PCBP2: variants seen among roughly 807,000 people sequenced by gnomAD.
The protein encoded by PCBP2 is poly(rC) binding protein 2.
A neutral mutation model predicts 50.1 loss-of-function variants in PCBP2; 4 were observed. That is an observed-to-expected ratio of 0.08 (90% CI 0.04 to 0.18). PCBP2 has a LOEUF of 0.18. PCBP2 is among the 10% of genes least tolerant of loss of function. The pLI is 1.00. For synonymous variants in PCBP2, 179 were observed against 168.0 expected (o/e 1.07, Z -0.51); for missense variants, 161 against 474.3 (o/e 0.34, Z 6.14).
chr12:53,457,606 A>AC (rs1565858247), intron 5 of PCBP2, among the ~76,000 whole-genome samples: 2 of 152,050 alleles, frequency 1.3e-5, no homozygotes, highest in African/African-American at 4.8e-5. Flanking sequence ...TCAGCCTCCC[A>AC]AAGTGCTGGG....
At chr12:53,460,634 C>G (rs1941387318) in intron 6 of PCBP2, 1 of 232,064 alleles carries the variant, frequency 4.3e-6, no homozygotes, top group Non-Finnish European at 8.8e-6. Flanking sequence ...CTCATGGTAC[C>G]TGGCACATAG....
At chr12:53,459,125 G>A (rs991157241) in intron 5 of PCBP2, 147 bp from the exon 6 acceptor site, 2 of 498,406 alleles carry the variant, frequency 4.0e-6, no homozygotes, top group Non-Finnish European at 3.4e-6. Context: ...TTTGAGAGGG[G>A]CATGGTATTT....
rs910448833 is a variant in PCBP2, at chr12:53,455,569, A to G, written c.126+76A>G. On this transcript the variant is annotated intron_variant, in intron 4 of 14. Transcript: ENST00000546463. ...AAAACAAGTGAAAATTCTTTTTCAGAAATTAGGAAGGTCTCAATAAGGGAA... is the reference window on the plus strand; with the variant it reads ...AAAACAAGTGAAAATTCTTTTTCAGGAATTAGGAAGGTCTCAATAAGGGAA... 5 of 1,476,270 alleles carry G rather than the reference A, an allele frequency of 3.4e-6. No homozygotes were observed. The Admixed American group carries it at 8.4e-5, about 25-fold the overall frequency. 91.4% of individuals were successfully genotyped at this position (1,476,270 alleles called of 1,614,324 possible).
intron 7 of PCBP2, among the ~76,000 whole-genome samples, chr12:53,461,987 G>T (rs1401007795): frequency 6.6e-6 from 1 of 152,102 alleles, no homozygotes; most frequent in Non-Finnish European, 1.5e-5. Context: ...GGTATTACCA[G>T]CATGAGCCGA....
chr12:53,468,979 C>T (rs1046459709), intron 13 of PCBP2, 147 bp downstream of exon 13: 42 of 597,048 alleles, frequency 7.0e-5, no homozygotes, highest in East Asian at 3.3e-4. Flanking sequence ...CTTGGCTCAC[C>T]GCAGCCTCCG....
rs983591743 is a variant in PCBP2 at position 53,452,565 on chromosome 12, C to G, written c.-76+189C>G. On this transcript the variant is annotated intron_variant, in intron 1 of 14. Coordinates refer to ENST00000546463, the MANE Select transcript of PCBP2 (RefSeq NM_031989.5). ...GGCTCTGGCGCGGCCTAGTAGGCCT[C>G]GCGCAAGGCCTATTCCCCCCTCCCC... Among the ~76,000 whole-genome samples the G allele has an allele frequency of 2.7e-5, 4 of 150,126 alleles. No individual in the cohort carries two copies. The East Asian group carries it at 7.9e-4, about 30-fold the overall frequency.
intron 14 of PCBP2, among the ~76,000 whole-genome samples, chr12:53,472,477 A>T (rs899804541): frequency 6.6e-6 from 1 of 152,192 alleles, no homozygotes; most frequent in Non-Finnish European, 1.5e-5. Context: ...CACTGTTCAC[A>T]GTCAAATGGG....
chr12:53,465,001 A>C, intron 9 of PCBP2, 149 bp downstream of exon 9: 3 of 984,384 alleles, frequency 3.0e-6, no homozygotes, highest in South Asian at 7.2e-5. Flanking sequence ...CCCCAACCTC[A>C]TTTCACCCAG....
At position 53,471,532 on chromosome 12, in the gene PCBP2, A is replaced by G. The variant is rs1235680794; in HGVS notation, c.883-106A>G. 4.7e-6 allele frequency: 5 copies of G among 1,054,736 alleles called. No homozygotes were observed. In the East Asian group the frequency reaches 1.4e-4, roughly 29 times the overall value. 65.3% of individuals were successfully genotyped at this position (1,054,736 alleles called of 1,614,324 possible). A position where few individuals can be genotyped will look rare whatever the true frequency, so the allele number is the denominator to read the frequency against. ...CAGTGAGCCAAGATCAGGCCACTGCACTCCAGCCTGGCCACAGTCGTAGGA... is the reference window on the plus strand; with the variant it reads ...CAGTGAGCCAAGATCAGGCCACTGCGCTCCAGCCTGGCCACAGTCGTAGGA... On this transcript the variant is annotated intron_variant, in intron 13 of 14. Coordinates refer to ENST00000546463, the MANE Select transcript of PCBP2 (RefSeq NM_031989.5).
chr12:53,465,232 C>A (rs929446948), intron 9 of PCBP2, among the ~76,000 whole-genome samples: 4 of 151,938 alleles, frequency 2.6e-5, no homozygotes, highest in Non-Finnish European at 5.9e-5. Flanking sequence ...GTTCCCTTTT[C>A]CTTTCCTCCT....
chr12:53,476,544 A>G (rs1942596851), intron 14 of PCBP2, among the ~76,000 whole-genome samples: 1 of 152,154 alleles, frequency 6.6e-6, no homozygotes, highest in African/African-American at 2.4e-5. Context: ...CAACGAGAGT[A>G]CACGTTGCCA....
chr12:53,452,797 C>T (rs1430299834), intron 1 of PCBP2: 1 of 151,962 alleles, frequency 6.6e-6, no homozygotes, highest in Non-Finnish European at 1.5e-5. Context: ...CCCCCTGTAT[C>T]GCAGCGCCCC....
At chr12:53,458,671 A>G (rs1373329275) in intron 5 of PCBP2, among the ~76,000 whole-genome samples, 3 of 145,128 alleles carry the variant, frequency 2.1e-5, no homozygotes, top group South Asian at 4.3e-4. Context: ...AGATAGTCTC[A>G]CTCTGTTGCC....
chr12:53,467,912 T>A (rs2137078913), intron 12 of PCBP2, 69 bp downstream of exon 12: 5 of 1,171,228 alleles, frequency 4.3e-6, no homozygotes, highest in African/African-American at 1.5e-5. Context: ...GGAGTCTTGT[T>A]TCACTGCCCA....
chr12:53,455,426 G>A (rs764976260), intron 3 of PCBP2, 35 bp from the exon 4 acceptor site: 10 of 1,613,878 alleles, frequency 6.2e-6, no homozygotes, highest in African/African-American at 1.3e-5. Flanking sequence ...GATTGAAGTA[G>A]CAGTTGGAGC....
chr12:53,477,579 T>C (rs1045158021), intron 14 of PCBP2, among the ~76,000 whole-genome samples: 2 of 133,934 alleles, frequency 1.5e-5, no homozygotes, highest in African/African-American at 5.6e-5. Context: ...GGCAGGAGAA[T>C]GGCGTGAACC....
At chr12:53,477,521 C>T (rs1942676913) in intron 14 of PCBP2, among the ~76,000 whole-genome samples, 1 of 151,854 alleles carries the variant, frequency 6.6e-6, no homozygotes, top group African/African-American at 2.4e-5. Context: ...AAAAAATTAG[C>T]TGGGCATGGT....
At chr12:53,470,638 C>T (rs1486922962) in intron 13 of PCBP2, among the ~76,000 whole-genome samples, 1 of 151,942 alleles carries the variant, frequency 6.6e-6, no homozygotes, top group Admixed American at 6.6e-5. Context: ...AAGTGATTGG[C>T]CTGCCTCAGC....
chr12:53,455,791 C>G (rs1940965029), intron 4 of PCBP2, 94 bp from the exon 5 acceptor site: 2 of 844,870 alleles, frequency 2.4e-6, no homozygotes, highest in Non-Finnish European at 3.9e-6. Context: ...GCATCAGGAT[C>G]ATGTACATTG....
Sources: allele counts gnomAD v4.1 joint callset (sites outside exome capture counted in the v4.1 genomes callset), GRCh38; gene constraint gnomAD v4.1.1; transcripts MANE v1.5; gene names NCBI Gene and HGNC (gene_info 2026-07-23, HGNC 2026-07-21).